KALRN: variants seen among roughly 807,000 people sequenced by gnomAD.
The protein encoded by KALRN is kalirin RhoGEF kinase.
KALRN carries 70 observed loss-of-function variants against 353.7 expected under a neutral mutation model. That is an observed-to-expected ratio of 0.20 (90% CI 0.16 to 0.24). The LOEUF (loss-of-function observed/expected upper bound fraction) is 0.24, where lower values mean the gene tolerates loss of function less well. Among genes scored for constraint, KALRN ranks in the 10% least tolerant of loss-of-function variants. KALRN has a pLI of 1.00. For synonymous variants in KALRN, 1,391 were observed against 1,434.8 expected (o/e 0.97, Z 0.69); for missense variants, 2,791 against 3,756.7 (o/e 0.74, Z 6.72).
chr3:124,222,905 T>C (rs1231906612), intron 1 of KALRN, among the ~76,000 whole-genome samples: 1 of 152,096 alleles, frequency 6.6e-6, no homozygotes, highest in Admixed American at 6.5e-5. Flanking sequence ...ATGCCTGGCC[T>C]CACCTGGGGT....
chr3:124,363,626 T>C (rs769013256), intron 10 of KALRN, among the ~76,000 whole-genome samples: 5 of 152,124 alleles, frequency 3.3e-5, no homozygotes, highest in Non-Finnish European at 5.9e-5. Flanking sequence ...AGAAGAAAGA[T>C]ATAGAAGAGA....
intron 58 of KALRN, among the ~76,000 whole-genome samples, chr3:124,716,591 A>G (rs2063146159): frequency 6.6e-6 from 1 of 152,186 alleles, no homozygotes. Flanking sequence ...GAGAATCAAT[A>G]ATGCAAAGAA....
chr3:124,278,687 A>G (rs1240835144), intron 5 of KALRN, among the ~76,000 whole-genome samples: 3 of 152,208 alleles, frequency 2.0e-5, no homozygotes, highest in Admixed American at 2.0e-4. Context: ...TTTGTTTTAT[A>G]AATTATAAAG....
In KALRN at chr3:124,291,841, TATGCCAACTGAC is replaced by T. The variant is rs554299382; in HGVS notation, c.970-6942_970-6931del. 7.4e-4 allele frequency among the ~76,000 whole-genome samples: 113 copies of T among 152,280 alleles called. No individual in the cohort carries two copies. In the South Asian group the frequency reaches 8.9e-3, roughly 12 times the overall value. ...TTCTCTTTTACACAATATATAAAAG[TATGCCAACTGAC>T]ATGCCAAAAACACGAAGGAAACAAG... is the stretch of plus-strand genomic sequence containing the variant. On this transcript the variant is annotated intron_variant, in intron 5 of 59. Transcript: ENST00000682506.
At chr3:124,534,226 A>G (rs975014866) in intron 33 of KALRN, among the ~76,000 whole-genome samples, 16 of 152,230 alleles carry the variant, frequency 1.1e-4, no homozygotes, top group Admixed American at 6.5e-5. Flanking sequence ...AAGTAAAAAC[A>G]GGGAATCTGA....
At chr3:124,350,194 T>A (rs1273926871) in intron 10 of KALRN, among the ~76,000 whole-genome samples, 1 of 152,228 alleles carries the variant, frequency 6.6e-6, no homozygotes, top group Admixed American at 6.5e-5. Flanking sequence ...CCCATGGCCA[T>A]CCCAGTCCCA....
rs553456099 is a variant in KALRN, at chr3:124,287,170, C to T, written c.970-11621C>T. On this transcript the variant is annotated intron_variant, in intron 5 of 59. Transcript: ENST00000682506. ...CAGAGAGCTCATGAAAGCCTCTCTA[C>T]TCTGTTTGAATTAGAACTCCCAGCA... Among the ~76,000 whole-genome samples the T allele has an allele frequency of 7.2e-5, 11 of 152,240 alleles. No individual in the cohort carries two copies. In the South Asian group the frequency reaches 2.1e-3, roughly 29 times the overall value.
At chr3:124,580,507 C>T (rs2074526684) in intron 34 of KALRN, among the ~76,000 whole-genome samples, 1 of 152,184 alleles carries the variant, frequency 6.6e-6, no homozygotes, top group South Asian at 2.1e-4. Flanking sequence ...ATCATATTCT[C>T]CACCATCCCT....
intron 1 of KALRN, among the ~76,000 whole-genome samples, chr3:124,118,195 A>T (rs1207599616): frequency 6.6e-6 from 1 of 152,072 alleles, no homozygotes; most frequent in Non-Finnish European, 1.5e-5. Context: ...AGACACTTCC[A>T]TCTGTGCCTG....
chr3:124,400,662 A>G (rs1477914273), intron 13 of KALRN, among the ~76,000 whole-genome samples: 1 of 152,202 alleles, frequency 6.6e-6, no homozygotes, highest in Non-Finnish European at 1.5e-5. Context: ...TAATAAAGAG[A>G]TAAAAGAGAG....
At chr3:124,234,635 G>C (rs538750883) in intron 2 of KALRN, among the ~76,000 whole-genome samples, 194 bp from the exon 3 acceptor site, 23 of 152,152 alleles carry the variant, frequency 1.5e-4, no homozygotes, top group Non-Finnish European at 2.9e-5. Flanking sequence ...CACCAGAGAA[G>C]CCAAAAGACT....
chr3:124,048,684 C>G (rs1042960499), intron 1 of KALRN, among the ~76,000 whole-genome samples: 1 of 152,178 alleles, frequency 6.6e-6, no homozygotes, highest in East Asian at 1.9e-4. Flanking sequence ...GGGGTTTCAC[C>G]GTGTTAGCCA....
rs1207428604 is a variant in KALRN, at chr3:124,723,132, G to C, written c.*3662G>C. 6.6e-6 allele frequency: 1 copy of C among 152,182 alleles called. No homozygotes were observed. The highest frequency in any genetic ancestry group is 1.9e-4 in the East Asian group (1 of 5,198). The allele number at this position is 152,182 out of a possible 1,614,324, so 9.4% of individuals were successfully genotyped here. ...GGGAGTAGAGGAAGCAGAGGAGAAA[G>C]CTAGCTTCACTGCTTTGTGGTCCAC... is the stretch of plus-strand genomic sequence containing the variant. On this transcript the variant is annotated 3_prime_UTR_variant, in exon 60 of 60. Coordinates refer to ENST00000682506, the MANE Select transcript of KALRN (RefSeq NM_001388419.1).
intron 13 of KALRN, among the ~76,000 whole-genome samples, chr3:124,404,153 G>GAAAAAA (rs66603520): frequency 0.061 from 7,581 of 123,448 alleles, 373 homozygotes; most frequent in Non-Finnish European, 0.081. Flanking sequence ...CTGCTCTCTG[G>GAAAAAA]AAAAAAAAAA....
chr3:124,338,057 A>G (rs2081311954), intron 9 of KALRN, among the ~76,000 whole-genome samples: 1 of 151,642 alleles, frequency 6.6e-6, no homozygotes, highest in Non-Finnish European at 1.5e-5. Context: ...CTAGTGATCT[A>G]TCTATTTTGT....
chr3:124,270,855 A>G (rs1255229864), intron 5 of KALRN, among the ~76,000 whole-genome samples: 10 of 121,320 alleles, frequency 8.2e-5, no homozygotes, highest in African/African-American at 3.1e-4. Context: ...TTTGAGACGG[A>G]GTCTCGCTCT....
intron 1 of KALRN, among the ~76,000 whole-genome samples, chr3:124,156,564 G>C (rs1306782616): frequency 1.3e-5 from 2 of 152,134 alleles, no homozygotes; most frequent in Non-Finnish European, 2.9e-5. Flanking sequence ...GTTTTGACTT[G>C]AGTGAATCCA....
chr3:124,724,288 T>C lies in KALRN; in HGVS notation c.*4818T>C, dbSNP rs2150872260. On this transcript the variant is annotated 3_prime_UTR_variant, in exon 60 of 60. Coordinates refer to ENST00000682506, the MANE Select transcript of KALRN (RefSeq NM_001388419.1). ...AAGAGGTCTTTGTAGTAGGGCAAAG[T>C]TCAAACTCACCATGTCCTTATTCAG... is the stretch of plus-strand genomic sequence containing the variant. 1 of 152,342 alleles carries C rather than the reference T, an allele frequency of 6.6e-6. No homozygotes were observed. The highest frequency in any genetic ancestry group is 1.9e-4 in the East Asian group (1 of 5,186). The allele number at this position is 152,342 out of a possible 1,614,324, so 9.4% of individuals were successfully genotyped here.
intron 34 of KALRN, among the ~76,000 whole-genome samples, chr3:124,604,805 G>C (rs1428647189): frequency 6.6e-6 from 1 of 151,572 alleles, no homozygotes; most frequent in African/African-American, 2.4e-5. Flanking sequence ...TCTTGTCTCA[G>C]CCTCCTGAGT....
Sources: gnomAD v4.1 joint callset for allele counts (sites outside exome capture counted in the v4.1 genomes callset) on GRCh38, gnomAD v4.1.1 for gene constraint, MANE v1.5 for transcripts, NCBI Gene and HGNC (gene_info 2026-07-23, HGNC 2026-07-21) for gene names.